AKT3: variants seen among roughly 807,000 people sequenced by gnomAD.
AKT3 encodes AKT serine/threonine kinase 3.
A neutral mutation model predicts 65.3 loss-of-function variants in AKT3; 15 were observed. The observed-to-expected ratio is 0.23, with a 90% CI of 0.15 to 0.35. The LOEUF is 0.35. AKT3 is among the 10% of genes least tolerant of loss of function. AKT3 has a pLI of 1.00. For missense variants in AKT3, 243 were observed against 576.5 expected, an observed-to-expected ratio of 0.42 and a Z score of 5.92; for synonymous variants, 206 against 183.8, an observed-to-expected ratio of 1.12 and a Z score of -0.98.
At chr1:243,664,710 A>G (rs1682650200) in intron 4 of AKT3, 62 bp downstream of exon 4, 1 of 719,780 alleles carries the variant, frequency 1.4e-6, no homozygotes, top group African/African-American at 1.9e-5. Context: ...AAAGTCAGAT[A>G]CAAATACATC....
intron 2 of AKT3, among the ~76,000 whole-genome samples, chr1:243,796,975 G>T (rs1343009298): frequency 3.3e-5 from 5 of 151,990 alleles, no homozygotes; most frequent in Non-Finnish European, 7.4e-5. Flanking sequence ...AGAGGAGAGA[G>T]AAAATAAAAA....
In AKT3 at chr1:243,849,430, G is replaced by A. The variant is rs1457984737; in HGVS notation, c.-113+610C>T. On this transcript the variant is annotated intron_variant, in intron 1 of 13. Transcript: ENST00000673466. ...CAGTGCCGTCTTTTCCTGCGCGCCA[G>A]TGGCGGGGAAGGGTGGGGGAAGGAA... Among the ~76,000 whole-genome samples the A allele has an allele frequency of 2.8e-5, 3 of 107,248 alleles. No individual in the cohort carries two copies. The East Asian group carries it at 8.6e-4, about 31-fold the overall frequency. The allele number at this position is 107,248 out of a possible 152,430, so 70.4% of individuals were successfully genotyped here.
chr1:243,789,905 T>C (rs1266583304), intron 2 of AKT3, among the ~76,000 whole-genome samples: 2 of 152,230 alleles, frequency 1.3e-5, no homozygotes, highest in Non-Finnish European at 2.9e-5. Flanking sequence ...CCACTGTCAA[T>C]GAGCAGTAAT....
chr1:243,630,928 C>T (rs1679558855), intron 6 of AKT3, among the ~76,000 whole-genome samples: 1 of 151,476 alleles, frequency 6.6e-6, no homozygotes, highest in Non-Finnish European at 1.5e-5. Flanking sequence ...ATCAATAGAC[C>T]TGGGCTTCTC....
intron 2 of AKT3, among the ~76,000 whole-genome samples, chr1:243,719,166 A>G (rs1037905107): frequency 2.0e-5 from 3 of 152,198 alleles, no homozygotes; most frequent in Admixed American, 1.3e-4. Context: ...TGCAAGCTGC[A>G]TGTGGAATGT....
intron 2 of AKT3, among the ~76,000 whole-genome samples, chr1:243,759,998 C>T (rs908665052): frequency 6.6e-6 from 1 of 152,186 alleles, no homozygotes; most frequent in Non-Finnish European, 1.5e-5. Context: ...CAGATCTGCA[C>T]CCTAGATTCA....
intron 3 of AKT3, among the ~76,000 whole-genome samples, chr1:243,676,965 T>C (rs1558709079): frequency 1.3e-5 from 2 of 152,212 alleles, no homozygotes; most frequent in Non-Finnish European, 2.9e-5. Flanking sequence ...TCTTCAAAAA[T>C]ATTTTCCTGT....
At chr1:243,620,523 C>CT (rs986707716) in intron 6 of AKT3, among the ~76,000 whole-genome samples, 66 of 122,558 alleles carry the variant, frequency 5.4e-4, no homozygotes, top group African/African-American at 1.2e-3. Context: ...GCAATGTATA[C>CT]TTTTTTTTTT....
Position 243,499,861 on chromosome 1 carries a change from C to T in AKT3, c.*5388G>A, listed in dbSNP as rs1340522689. Reference sequence around the variant, plus strand: ...CATCTGGTTTAGACTTAATATGCCACAACGCACCACGACCTTCCCAGGGTG... The same window carrying T: ...CATCTGGTTTAGACTTAATATGCCATAACGCACCACGACCTTCCCAGGGTG... On this transcript the variant is annotated 3_prime_UTR_variant, in exon 14 of 14. Transcript: ENST00000673466. The T allele has an allele frequency of 1.4e-6, 2 of 1,403,870 alleles. No individual in the cohort carries two copies. The highest frequency in any genetic ancestry group is 2.3e-5 in the East Asian group (1 of 43,182). 87.0% of individuals were successfully genotyped at this position (1,403,870 alleles called of 1,614,324 possible). A position where few individuals can be genotyped will look rare whatever the true frequency, so the allele number is the denominator to read the frequency against.
chr1:243,824,211 G>A (rs1694023748), intron 2 of AKT3, among the ~76,000 whole-genome samples: 1 of 152,138 alleles, frequency 6.6e-6, no homozygotes, highest in Non-Finnish European at 1.5e-5. Flanking sequence ...GCCATATGCA[G>A]AAAATTGAAA....
intron 8 of AKT3, among the ~76,000 whole-genome samples, chr1:243,586,776 C>T (rs1675843854): frequency 6.6e-6 from 1 of 152,000 alleles, no homozygotes; most frequent in African/African-American, 2.4e-5. Flanking sequence ...GGGTACCATG[C>T]TCAGTACCTG....
At chr1:243,680,586 C>T (rs1035591118) in intron 3 of AKT3, among the ~76,000 whole-genome samples, 7 of 152,066 alleles carry the variant, frequency 4.6e-5, no homozygotes, top group African/African-American at 1.2e-4. Flanking sequence ...GTATAATAAA[C>T]GCTTTTAAAT....
chr1:243,701,106 C>T (rs902907013), intron 2 of AKT3, among the ~76,000 whole-genome samples: 1 of 152,098 alleles, frequency 6.6e-6, no homozygotes, highest in South Asian at 2.1e-4. Context: ...AAGCTTAAGT[C>T]GTAAGTGTAA....
intron 3 of AKT3, among the ~76,000 whole-genome samples, chr1:243,683,856 T>C (rs911879415): frequency 1.4e-4 from 21 of 152,188 alleles, no homozygotes; most frequent in African/African-American, 5.1e-4. Flanking sequence ...CAAAGTACCT[T>C]TAATTTTTCC....
chr1:243,834,452 A>G (rs368496339), intron 2 of AKT3, among the ~76,000 whole-genome samples: 1 of 152,220 alleles, frequency 6.6e-6, no homozygotes. Context: ...GGAGGTAAAC[A>G]CTGAGTACAC....
At chr1:243,655,393 CTAAT>C (rs1271767088) in intron 4 of AKT3, among the ~76,000 whole-genome samples, 1 of 152,012 alleles carries the variant, frequency 6.6e-6, no homozygotes, top group African/African-American at 2.4e-5. Flanking sequence ...CTTGAACATA[CTAAT>C]TAATGTATAG....
At chr1:243,522,602 T>C (rs554325120) in intron 12 of AKT3, among the ~76,000 whole-genome samples, 24 of 152,198 alleles carry the variant, frequency 1.6e-4, no homozygotes, top group African/African-American at 5.5e-4. Flanking sequence ...ATTGCGCCAC[T>C]GCACTCCCCT....
intron 2 of AKT3, among the ~76,000 whole-genome samples, chr1:243,818,752 G>A (rs1411126609): frequency 1.3e-5 from 2 of 149,858 alleles, no homozygotes; most frequent in Non-Finnish European, 3.0e-5. Flanking sequence ...AATAGAAATC[G>A]CTGTGGCCAG....
intron 2 of AKT3, among the ~76,000 whole-genome samples, chr1:243,785,082 T>TG (rs1381320220): frequency 6.7e-6 from 1 of 150,088 alleles, no homozygotes; most frequent in East Asian, 2.0e-4. Context: ...TTTTTTTTTT[T>TG]GAGATGGAGT....
Sources: gnomAD v4.1 joint callset for allele counts (sites outside exome capture counted in the v4.1 genomes callset) on GRCh38, gnomAD v4.1.1 for gene constraint, MANE v1.5 for transcripts, NCBI Gene and HGNC (gene_info 2026-07-23, HGNC 2026-07-21) for gene names.